Variants in LPAR1 observed in about 807,000 individuals in gnomAD.
LPAR1 encodes the protein lysophosphatidic acid receptor 1, also known as LPA receptor 1.
Under a neutral mutation model 23.8 loss-of-function variants are expected in LPAR1, and 5 were observed. The observed-to-expected ratio is 0.21, with a 90% CI of 0.11 to 0.44. The LOEUF (loss-of-function observed/expected upper bound fraction) is 0.44. Ranked by LOEUF, LPAR1 falls within the 20% of genes least tolerant of loss-of-function variation. The probability of loss-of-function intolerance (pLI) is 0.99; values close to 1 mark genes in which losing one functional copy is unlikely to be tolerated. For synonymous variants in LPAR1, 160 were observed against 164.7 expected, an observed-to-expected ratio of 0.97 and a Z score of 0.22; for missense variants, 311 against 482.8, an observed-to-expected ratio of 0.64 and a Z score of 3.33.
intron 2 of LPAR1, among the ~76,000 whole-genome samples, chr9:111,003,439 G>A (rs1256355699): frequency 1.3e-5 from 2 of 152,162 alleles, no homozygotes; most frequent in Non-Finnish European, 2.9e-5. Flanking sequence ...ATTCTCTAGG[G>A]ACAATGAATG....
intron 5 of LPAR1, among the ~76,000 whole-genome samples, chr9:110,884,475 A>G (rs1410906332): frequency 6.6e-6 from 1 of 152,186 alleles, no homozygotes; most frequent in African/African-American, 2.4e-5. Context: ...CACTGTGTCT[A>G]TTATTACCTA....
chr9:111,000,225 C>T (rs2097102999), intron 2 of LPAR1, among the ~76,000 whole-genome samples: 1 of 152,152 alleles, frequency 6.6e-6, no homozygotes, highest in African/African-American at 2.4e-5. Context: ...TCAGCAAGCA[C>T]AATAAACAAT....
intron 5 of LPAR1, among the ~76,000 whole-genome samples, chr9:110,913,355 C>A (rs2092691877): frequency 6.6e-6 from 1 of 152,108 alleles, no homozygotes; most frequent in Non-Finnish European, 1.5e-5. Flanking sequence ...GTAGTATTTA[C>A]CACTACTACA....
chr9:110,912,598 T>C (rs549350892), intron 5 of LPAR1, among the ~76,000 whole-genome samples: 4 of 152,312 alleles, frequency 2.6e-5, no homozygotes, highest in East Asian at 1.9e-4. Flanking sequence ...ATTTTATTAA[T>C]GGAGATAGTG....
intron 4 of LPAR1, among the ~76,000 whole-genome samples, chr9:110,961,232 C>G (rs12377545): frequency 0.23 from 34,196 of 146,974 alleles, 4,467 homozygotes; most frequent in Admixed American, 0.3. Flanking sequence ...AAAAAAAAGC[C>G]AAATGTGGTC....
intron 5 of LPAR1, among the ~76,000 whole-genome samples, chr9:110,915,186 T>C (rs2092938365): frequency 6.6e-6 from 1 of 152,220 alleles, no homozygotes; most frequent in Admixed American, 6.5e-5. Flanking sequence ...CAGTAATATT[T>C]ATTGCTATTT....
intron 5 of LPAR1, among the ~76,000 whole-genome samples, chr9:110,899,034 T>C (rs963318069): frequency 1.7e-4 from 26 of 152,334 alleles, no homozygotes; most frequent in African/African-American, 6.3e-4. Context: ...AATTCTTTTT[T>C]AAAAATACAA....
rs2097938525 is a variant in LPAR1 at position 111,038,323 on chromosome 9, A to C, written c.-418T>G. 1.4e-5 allele frequency: 2 copies of C among 144,726 alleles called. No homozygotes were observed. The highest frequency in any genetic ancestry group is 5.1e-5 in the African/African-American group (2 of 39,386). The allele number at this position is 144,726 out of a possible 1,614,324, so 9.0% of individuals were successfully genotyped here. On this transcript the variant is annotated 5_prime_UTR_variant, in exon 1 of 6. Transcript: ENST00000683809. The surrounding 1 kb of genome is among the most constrained non-coding windows in gnomAD (Gnocchi z 4.4). ...CAGAGCGGGGCCGCCCCCTGCGCCC[A>C]CCCCGCCGGGGTCCCGTGCTCGGCC...
At chr9:110,927,071 C>T (rs1048684130) in intron 5 of LPAR1, among the ~76,000 whole-genome samples, 1 of 152,208 alleles carries the variant, frequency 6.6e-6, no homozygotes, top group Non-Finnish European at 1.5e-5. Context: ...CCTGGAGAAA[C>T]ACTGACGTAG....
intron 5 of LPAR1, 54 bp from the exon 6 acceptor site, chr9:110,875,776 T>C: frequency 9.7e-7 from 1 of 1,025,816 alleles, no homozygotes; most frequent in Non-Finnish European, 1.4e-6. Context: ...AATGAAAAAA[T>C]ATTATAAAAC....
At chr9:110,936,779 C>T (rs117320885) in intron 5 of LPAR1, among the ~76,000 whole-genome samples, 1 of 152,306 alleles carries the variant, frequency 6.6e-6, no homozygotes, top group East Asian at 1.9e-4. Flanking sequence ...AAAAACTTCA[C>T]ATCTTAACCA....
chr9:111,027,761 A>G (rs1220305778), intron 2 of LPAR1, among the ~76,000 whole-genome samples: 1 of 151,872 alleles, frequency 6.6e-6, no homozygotes, highest in Non-Finnish European at 1.5e-5. Flanking sequence ...TCCTAGGCAG[A>G]AGGACAAAGA....
intron 4 of LPAR1, among the ~76,000 whole-genome samples, chr9:110,943,910 A>G (rs1257886897): frequency 6.6e-6 from 1 of 150,722 alleles, no homozygotes; most frequent in Non-Finnish European, 1.5e-5. Context: ...CTGTTTCCCC[A>G]CTGGACATGT....
chr9:110,891,780 C>CATGAAA (rs1388289185), intron 5 of LPAR1, among the ~76,000 whole-genome samples: 1 of 152,080 alleles, frequency 6.6e-6, no homozygotes, highest in East Asian at 1.9e-4. Flanking sequence ...GCATTAAGCA[C>CATGAAA]ATGAAAAGGC....
At chr9:110,964,947 T>C (rs2096154732) in intron 4 of LPAR1, among the ~76,000 whole-genome samples, 2 of 139,472 alleles carry the variant, frequency 1.4e-5, no homozygotes, top group East Asian at 2.3e-4. Flanking sequence ...CACTGCAACC[T>C]GCCACATTTG....
intron 2 of LPAR1, among the ~76,000 whole-genome samples, chr9:111,009,373 TAAAA>T (rs917622068): frequency 6.7e-6 from 1 of 148,586 alleles, no homozygotes; most frequent in African/African-American, 2.5e-5. Flanking sequence ...GAATGAGATT[TAAAA>T]AAAAAAATTC....
intron 5 of LPAR1, among the ~76,000 whole-genome samples, chr9:110,876,447 T>C (rs1025016803): frequency 3.9e-5 from 6 of 152,236 alleles, no homozygotes; most frequent in Admixed American, 2.0e-4. Context: ...CTATATGCTT[T>C]ACCAGTAATA....
At chr9:110,934,130 C>T (rs775011714) in intron 5 of LPAR1, among the ~76,000 whole-genome samples, 6 of 152,142 alleles carry the variant, frequency 3.9e-5, no homozygotes, top group Non-Finnish European at 5.9e-5. Context: ...TACAGGGATG[C>T]CACTGGGACC....
At chr9:110,927,767 G>A (rs905416063) in intron 5 of LPAR1, among the ~76,000 whole-genome samples, 2 of 152,060 alleles carry the variant, frequency 1.3e-5, no homozygotes, top group African/African-American at 4.8e-5. Context: ...CTGCAATTTG[G>A]TATGTTAAAA....
Sources: gnomAD v4.1 joint callset for allele counts (sites outside exome capture counted in the v4.1 genomes callset) on GRCh38, gnomAD v4.1.1 for gene constraint, Gnocchi (gnomAD v3.1) non-coding constraint, MANE v1.5 for transcripts, NCBI Gene and HGNC (gene_info 2026-07-23, HGNC 2026-07-21) for gene names.